The following FRAS1 variants were observed in gnomAD, a reference collection of about 807,000 sequenced individuals.
The protein encoded by FRAS1 is extracellular matrix organizing protein FRAS1.
Under a neutral mutation model 435.2 loss-of-function variants are expected in FRAS1, and 290 were observed. The ratio of observed to expected loss-of-function variants is 0.67; its 90% CI spans 0.61 to 0.73. FRAS1 has a LOEUF of 0.73. FRAS1 is among the 30% of genes least tolerant of loss of function. FRAS1 has a pLI of 0.00. For missense variants in FRAS1, 4,860 were observed against 5,001.5 expected (o/e 0.97, Z 0.85); for synonymous variants, 1,800 against 1,851.0 (o/e 0.97, Z 0.71).
rs1349340563 is a variant in FRAS1, at chr4:78,284,269, T to C, written c.1256-136T>C. Reference sequence around the variant, plus strand: ...TTTTTTTTTGCTATTTAGGAGGCTTTTTCCTAAGTCCCACAGTTTTCTGTT... The same window carrying C: ...TTTTTTTTTGCTATTTAGGAGGCTTCTTCCTAAGTCCCACAGTTTTCTGTT... On this transcript the variant is annotated intron_variant, in intron 12 of 73. Coordinates refer to ENST00000512123, the MANE Select transcript of FRAS1 (RefSeq NM_025074.7). 3 of 502,098 alleles carry C rather than the reference T, an allele frequency of 6.0e-6. No individual in the cohort carries two copies. The African/African-American group carries it at 6.1e-5, about 10-fold the overall frequency. 31.1% of individuals were successfully genotyped at this position (502,098 alleles called of 1,614,324 possible).
intron 32 of FRAS1, among the ~76,000 whole-genome samples, chr4:78,417,817 G>C (rs913370728): frequency 3.2e-4 from 48 of 151,780 alleles, no homozygotes; most frequent in African/African-American, 1.2e-3. Context: ...CCATCTGAAA[G>C]AAGGAGGGCT....
intron 13 of FRAS1, 76 bp downstream of exon 13, chr4:78,284,624 T>C (rs1260197132): frequency 2.2e-6 from 3 of 1,368,114 alleles, no homozygotes; most frequent in Non-Finnish European, 3.0e-6. Context: ...ATTCTTAAAC[T>C]GAGGCTCAGT....
intron 2 of FRAS1, among the ~76,000 whole-genome samples, chr4:78,218,370 T>C (rs1432043577): frequency 6.6e-6 from 1 of 151,970 alleles, no homozygotes; most frequent in East Asian, 2.0e-4. Context: ...TATGCTCACA[T>C]GTGCTGTGAT....
Position 78,540,969 on chromosome 4 carries a change from G to A in FRAS1, c.11884G>A (p.Val3962Met). The A allele has an allele frequency of 1.9e-6, 3 of 1,613,698 alleles. No individual in the cohort carries two copies. The highest frequency in any genetic ancestry group is 1.7e-5 in the Admixed American group (1 of 59,980). ...VEVPKRHPDR[V>M]EKNVNRHYCT... ...AGTGCCCAAGAGGCACCCGGACCGGGTGGAGAAGAACGTGAATAGACACTA... is the reference window on the plus strand; with the variant it reads ...AGTGCCCAAGAGGCACCCGGACCGGATGGAGAAGAACGTGAATAGACACTA... Residue 3962 changes from valine to methionine, a missense_variant, in exon 74 of 74, where the codon GTG becomes ATG. By Grantham distance (21) the Val-to-Met change is conservative. Transcript: ENST00000512123.
exon 74 of FRAS1, chr4:78,544,266 G>GT: frequency 6.6e-6 from 1 of 152,278 alleles, no homozygotes; most frequent in African/African-American, 2.4e-5. Flanking sequence ...AGTCTTGTTG[G>GT]TTTTTTGTTT....
intron 2 of FRAS1, among the ~76,000 whole-genome samples, chr4:78,092,917 A>G (rs924377595): frequency 7.9e-5 from 12 of 152,224 alleles, no homozygotes; most frequent in Admixed American, 5.9e-4. Context: ...GTGGTCTGTG[A>G]GCAGAGTAGA....
At chr4:78,241,052 G>A (rs1004904478) in intron 3 of FRAS1, among the ~76,000 whole-genome samples, 1 of 152,110 alleles carries the variant, frequency 6.6e-6, no homozygotes, top group African/African-American at 2.4e-5. Context: ...GGAGTGGGGG[G>A]AGCGGAGACT....
chr4:78,060,349 A>G (rs917123561), intron 1 of FRAS1, among the ~76,000 whole-genome samples: 1 of 152,232 alleles, frequency 6.6e-6, no homozygotes, highest in African/African-American at 2.4e-5. Flanking sequence ...TAATTTTTAA[A>G]AATAGAAAAG....
chr4:78,505,626 G>A (rs1720810510), intron 61 of FRAS1, among the ~76,000 whole-genome samples: 3 of 152,024 alleles, frequency 2.0e-5, no homozygotes, highest in African/African-American at 4.8e-5. Flanking sequence ...TTAGCCATTC[G>A]TCTACCCTTT....
At chr4:78,114,387 G>A (rs1437482877) in intron 2 of FRAS1, among the ~76,000 whole-genome samples, 2 of 152,160 alleles carry the variant, frequency 1.3e-5, no homozygotes, top group African/African-American at 4.8e-5. Context: ...GTAGGTTGAT[G>A]GGGATGGCTT....
intron 55 of FRAS1, among the ~76,000 whole-genome samples, chr4:78,479,157 T>G (rs557401086): frequency 2.6e-5 from 4 of 152,356 alleles, no homozygotes; most frequent in African/African-American, 9.6e-5. Context: ...AAATCCATTT[T>G]GAGTTGTTTG....
At chr4:78,111,749 T>G (rs1481499492) in intron 2 of FRAS1, among the ~76,000 whole-genome samples, 1 of 70,918 alleles carries the variant, frequency 1.4e-5, no homozygotes, top group African/African-American at 7.1e-5. Context: ...ACTTAGAGTA[T>G]AATAAAAAAA....
At chr4:78,260,012 A>G (rs552076311) in intron 6 of FRAS1, among the ~76,000 whole-genome samples, 4,708 of 152,110 alleles carry the variant, frequency 0.031, 249 homozygotes, top group African/African-American at 0.11. Context: ...AAGATCAGAT[A>G]GTTGTAGATA....
At chr4:78,211,961 G>A (rs1161984848) in intron 2 of FRAS1, among the ~76,000 whole-genome samples, 1 of 152,082 alleles carries the variant, frequency 6.6e-6, no homozygotes, top group Non-Finnish European at 1.5e-5. Flanking sequence ...CTGCCATTTT[G>A]TGTTTGGCTT....
intron 18 of FRAS1, among the ~76,000 whole-genome samples, chr4:78,327,326 A>G (rs1729760987): frequency 6.6e-6 from 1 of 152,226 alleles, no homozygotes; most frequent in Non-Finnish European, 1.5e-5. Context: ...GGATTTTGAT[A>G]TCTACATCAT....
At chr4:78,466,114 G>T (rs1719518025) in intron 49 of FRAS1, 94 bp from the exon 50 acceptor site, 3 of 934,418 alleles carry the variant, frequency 3.2e-6, no homozygotes, top group African/African-American at 3.3e-5. Context: ...ATGTCTTTGG[G>T]TTCTACTACC....
At chr4:78,075,807 A>G (rs572384717) in intron 2 of FRAS1, among the ~76,000 whole-genome samples, 1 of 152,324 alleles carries the variant, frequency 6.6e-6, no homozygotes, top group Admixed American at 6.5e-5. Context: ...GGGCCAGTTT[A>G]GAATTGGGAG....
intron 3 of FRAS1, among the ~76,000 whole-genome samples, chr4:78,239,817 T>C (rs1177139516): frequency 1.3e-5 from 2 of 152,182 alleles, no homozygotes; most frequent in South Asian, 2.1e-4. Context: ...TATATACATA[T>C]ATGTATACAT....
intron 2 of FRAS1, among the ~76,000 whole-genome samples, chr4:78,074,294 C>A (rs1740520682): frequency 6.6e-6 from 1 of 152,062 alleles, no homozygotes; most frequent in Non-Finnish European, 1.5e-5. Flanking sequence ...GACACTCATT[C>A]TTTGGTGTTC....
Sources: gnomAD v4.1 joint callset for allele counts (sites outside exome capture counted in the v4.1 genomes callset) on GRCh38, gnomAD v4.1.1 for gene constraint, MANE v1.5 for transcripts, NCBI Gene and HGNC (gene_info 2026-07-23, HGNC 2026-07-21) for gene names.